CCDC171: variants seen among roughly 807,000 people sequenced by gnomAD.
CCDC171 encodes the protein coiled-coil domain containing 171, also known as coiled-coil domain-containing protein 171.
In CCDC171, 177 loss-of-function variants were observed where a neutral mutation model predicts 168.2. The observed-to-expected ratio is 1.05, with a 90% CI of 0.93 to 1.19. The LOEUF is 1.19. CCDC171 is among the 50% of genes most tolerant of loss of function. CCDC171 has a pLI of 0.00. For missense variants in CCDC171, 1,991 were observed against 1,539.0 expected, an observed-to-expected ratio of 1.29 and a Z score of -4.91; for synonymous variants, 687 against 540.8, an observed-to-expected ratio of 1.27 and a Z score of -3.75.
intron 9 of CCDC171, among the ~76,000 whole-genome samples, chr9:15,676,327 T>G (rs1456200266): frequency 6.6e-6 from 1 of 152,166 alleles, no homozygotes; most frequent in Admixed American, 6.6e-5. Context: ...AACATGCTCC[T>G]TTAGCTCGGA....
intron 4 of CCDC171, among the ~76,000 whole-genome samples, chr9:15,584,278 C>T (rs2041381248): frequency 6.6e-6 from 1 of 152,166 alleles, no homozygotes; most frequent in South Asian, 2.1e-4. Context: ...AAAGTAGTAT[C>T]TTTTACTCAC....
At chr9:15,590,781 C>CT (rs748552451) in intron 4 of CCDC171, among the ~76,000 whole-genome samples, 1 of 127,782 alleles carries the variant, frequency 7.8e-6, no homozygotes, top group Admixed American at 8.0e-5. Context: ...CTCTTTCTTT[C>CT]TTTCTTTCTT....
intron 7 of CCDC171, among the ~76,000 whole-genome samples, chr9:15,636,420 A>T (rs952305575): frequency 6.6e-6 from 1 of 152,112 alleles, no homozygotes; most frequent in Non-Finnish European, 1.5e-5. Context: ...TTATATCATC[A>T]TTTTTAATAC....
intron 16 of CCDC171, among the ~76,000 whole-genome samples, chr9:15,743,290 C>T (rs753499276): frequency 6.6e-6 from 1 of 151,414 alleles, no homozygotes; most frequent in Admixed American, 6.6e-5. Flanking sequence ...CTCAGCCTCC[C>T]GAGTAGCTGT....
At chr9:15,652,251 C>G (rs187500619) in intron 7 of CCDC171, among the ~76,000 whole-genome samples, 164 of 152,124 alleles carry the variant, frequency 1.1e-3, no homozygotes, top group Non-Finnish European at 1.9e-3. Flanking sequence ...ATTCTTTTGC[C>G]TATTTATATC....
At chr9:15,931,595 C>A (rs372454950) in intron 25 of CCDC171, among the ~76,000 whole-genome samples, 1 of 149,334 alleles carries the variant, frequency 6.7e-6, no homozygotes, top group East Asian at 2.0e-4. Flanking sequence ...TCCATCATTT[C>A]CTTTGCTGTG....
intron 3 of CCDC171, among the ~76,000 whole-genome samples, chr9:15,999,475 A>G (rs1260208983): frequency 6.6e-6 from 1 of 152,092 alleles, no homozygotes; most frequent in Non-Finnish European, 1.5e-5. Flanking sequence ...GGCCTGATAT[A>G]GTGCCATCAG....
upstream of CCDC171, among the ~76,000 whole-genome samples, chr9:16,037,903 G>T (rs1833502067): frequency 6.6e-6 from 1 of 152,066 alleles, no homozygotes; most frequent in Admixed American, 6.6e-5. Context: ...AAAAGACTGA[G>T]AATTTTTTTA....
the CCDC171 span, among the ~76,000 whole-genome samples, chr9:16,101,979 T>A: frequency 6.6e-6 from 1 of 152,228 alleles, no homozygotes; most frequent in African/African-American, 2.4e-5. Context: ...CTTTGAGGTA[T>A]AAAAATACAC....
At chr9:15,742,186 A>G (rs2054924250) in intron 16 of CCDC171, among the ~76,000 whole-genome samples, 1 of 152,108 alleles carries the variant, frequency 6.6e-6, no homozygotes, top group Non-Finnish European at 1.5e-5. Flanking sequence ...CTGCAACTCT[A>G]CTGCTAACCC....
chr9:15,759,806 A>G (rs2056346907), intron 18 of CCDC171, among the ~76,000 whole-genome samples: 1 of 152,162 alleles, frequency 6.6e-6, no homozygotes. Context: ...TTCTATTAAT[A>G]TTCTTTTAGA....
At chr9:15,951,031 C>T (rs1829095033) in intron 25 of CCDC171, among the ~76,000 whole-genome samples, 1 of 149,594 alleles carries the variant, frequency 6.7e-6, no homozygotes, top group Non-Finnish European at 1.5e-5. Context: ...CAAAGAAGGC[C>T]ATTACATAAT....
chr9:15,774,737 A>G (rs2057216358), intron 18 of CCDC171, among the ~76,000 whole-genome samples: 1 of 152,262 alleles, frequency 6.6e-6, no homozygotes, highest in African/African-American at 2.4e-5. Flanking sequence ...TGGGTAAAGA[A>G]AATTGGTATC....
At chr9:15,712,285 G>T (rs1363608259) in intron 11 of CCDC171, among the ~76,000 whole-genome samples, 2 of 152,098 alleles carry the variant, frequency 1.3e-5, no homozygotes, top group Admixed American at 1.3e-4. Context: ...ACCCAGTCAG[G>T]CTGATAAAAA....
chr9:15,657,400 G>A (rs1005656201), intron 8 of CCDC171, 181 bp downstream of exon 8: 1 of 444,140 alleles, frequency 2.3e-6, no homozygotes, highest in African/African-American at 2.0e-5. Flanking sequence ...TAGTGGAGGA[G>A]TTGGCACACT....
intron 3 of CCDC171, among the ~76,000 whole-genome samples, chr9:15,984,113 G>A (rs553129422): frequency 2.9e-4 from 44 of 152,292 alleles, no homozygotes; most frequent in African/African-American, 1.1e-3. Context: ...GAGCCCAGGT[G>A]GGCAACAAGA....
At chr9:15,623,225 G>C in intron 6 of CCDC171, 42 bp from the exon 7 acceptor site, 1 of 1,469,046 alleles carries the variant, frequency 6.8e-7, no homozygotes, top group East Asian at 2.4e-5. Flanking sequence ...AGTCATTGAT[G>C]GCTTATAAAC....
intron 11 of CCDC171, among the ~76,000 whole-genome samples, chr9:15,702,770 T>C (rs1055681520): frequency 5.3e-5 from 8 of 152,228 alleles, no homozygotes; most frequent in Non-Finnish European, 5.9e-5. Flanking sequence ...TGTTTGGCCT[T>C]ACACTTTTGT....
intron 25 of CCDC171, chr9:15,922,089 T>A (rs1825401058): frequency 7.1e-6 from 2 of 283,678 alleles, no homozygotes; most frequent in Admixed American, 5.9e-5. Flanking sequence ...CAACACTTTT[T>A]CCCCTTTGAA....
Sources: allele counts gnomAD v4.1 joint callset (sites outside exome capture counted in the v4.1 genomes callset), GRCh38; gene constraint gnomAD v4.1.1; transcripts MANE v1.5; gene names NCBI Gene and HGNC (gene_info 2026-07-23, HGNC 2026-07-21).